The following ITGA9 variants were observed in gnomAD, a reference collection of about 807,000 sequenced individuals.
The protein encoded by ITGA9 is integrin alpha-9.
A neutral mutation model predicts 127.8 loss-of-function variants in ITGA9; 56 were observed. The ratio of observed to expected loss-of-function variants is 0.44; its 90% CI spans 0.35 to 0.55. The LOEUF is 0.55. Among genes scored for constraint, ITGA9 ranks in the 20% least tolerant of loss-of-function variants. ITGA9 has a pLI of 0.00. For synonymous variants in ITGA9, 508 were observed against 514.5 expected, an observed-to-expected ratio of 0.99 and a Z score of 0.17; for missense variants, 1,196 against 1,347.1, an observed-to-expected ratio of 0.89 and a Z score of 1.76.
intron 13 of ITGA9, among the ~76,000 whole-genome samples, chr3:37,527,330 G>A (rs1370615001): frequency 6.6e-6 from 1 of 152,188 alleles, no homozygotes; most frequent in Non-Finnish European, 1.5e-5. Context: ...ATAAGTCGGG[G>A]ACTATCTGCA....
chr3:37,738,353 C>A (rs1294346124), intron 20 of ITGA9, among the ~76,000 whole-genome samples: 1 of 152,156 alleles, frequency 6.6e-6, no homozygotes, highest in Non-Finnish European at 1.5e-5. Context: ...GGGCAAGAAG[C>A]CCTGTTACAC....
At chr3:37,624,200 C>CTTTTTTTTTTTTT (rs58307041) in intron 15 of ITGA9, among the ~76,000 whole-genome samples, 2 of 85,764 alleles carry the variant, frequency 2.3e-5, no homozygotes, top group East Asian at 3.4e-4. Context: ...AAAAAAAACC[C>CTTTTTTTTTTTTT]TTTTTTTTTT....
chr3:37,704,187 A>G lies in ITGA9; in HGVS notation c.2067+20172A>G, dbSNP rs112938469. 6.0e-3 allele frequency among the ~76,000 whole-genome samples: 907 copies of G among 152,198 alleles called. 9 individuals are homozygous for G. The highest frequency in any genetic ancestry group is 0.021 in the African/African-American group (854 of 41,508). The stretch of plus-strand genomic sequence containing the variant: ...GGCCAGTTTTTTGTGGAGGGGGGCA[A>G]TGGGCAAGGAAGCATTGATGAATTT... On this transcript the variant is annotated intron_variant, in intron 18 of 27. Transcript: ENST00000264741.
At position 37,518,731 on chromosome 3, in the gene ITGA9, A is replaced by T. The variant is rs118028740; in HGVS notation, c.1142-529A>T. On this transcript the variant is annotated intron_variant, in intron 10 of 27. Coordinates refer to ENST00000264741, the MANE Select transcript of ITGA9 (RefSeq NM_002207.3). ...AGCATAAGGTAGAAACTTTTTTGGA[A>T]CTAAATTCTTCTCAGTCAGCTTCTA... 1.4e-3 allele frequency among the ~76,000 whole-genome samples: 195 copies of T among 141,502 alleles called. 4 individuals carry two copies. In the East Asian group the frequency reaches 0.033, roughly 24 times the overall value. The allele number at this position is 141,502 out of a possible 152,430, so 92.8% of individuals were successfully genotyped here.
intron 23 of ITGA9, among the ~76,000 whole-genome samples, chr3:37,763,840 C>G (rs1363475995): frequency 6.6e-6 from 1 of 152,090 alleles, no homozygotes; most frequent in African/African-American, 2.4e-5. Flanking sequence ...TCGCCTTCAC[C>G]CTCAATTTTT....
chr3:37,798,290 T>A (rs1280132556), intron 26 of ITGA9, among the ~76,000 whole-genome samples: 1 of 152,218 alleles, frequency 6.6e-6, no homozygotes, highest in African/African-American at 2.4e-5. Flanking sequence ...ATCTTCTGAT[T>A]TTTTAACTTA....
rs776785640 is a variant in ITGA9, at chr3:37,629,346, T to G, written c.1839+10T>G. 6.2e-7 allele frequency: 1 copy of G among 1,613,818 alleles called. No homozygotes were observed. Among genetic ancestry groups the G allele is most frequent in the South Asian group, 1.1e-5 (1 of 90,980 alleles). ...TGCCCAAAAGAATCAGGTCAGAACC[T>G]TAAAGCTCATACTCAGCACCCAAGG... On this transcript the variant is annotated intron_variant, in intron 16 of 27. Transcript: ENST00000264741. The surrounding 1 kb of genome is among the most constrained non-coding windows in gnomAD (Gnocchi z 4.5).
intron 21 of ITGA9, among the ~76,000 whole-genome samples, chr3:37,743,581 A>G (rs1190739189): frequency 6.6e-6 from 1 of 152,264 alleles, no homozygotes; most frequent in Non-Finnish European, 1.5e-5. Flanking sequence ...GCTTATGATC[A>G]TCTTCTTCAA....
intron 7 of ITGA9, among the ~76,000 whole-genome samples, chr3:37,506,612 C>G (rs73826598): frequency 6.6e-6 from 1 of 152,196 alleles, no homozygotes; most frequent in African/African-American, 2.4e-5. Flanking sequence ...TTTCCCTAAA[C>G]TATAGTATCT....
intron 10 of ITGA9, among the ~76,000 whole-genome samples, chr3:37,517,982 C>A (rs1158358038): frequency 3.3e-5 from 5 of 152,216 alleles, no homozygotes; most frequent in African/African-American, 9.6e-5. Context: ...GCCTTTGATG[C>A]TCCATCATGC....
chr3:37,530,212 A>G (rs558575476), intron 13 of ITGA9, among the ~76,000 whole-genome samples: 3 of 152,348 alleles, frequency 2.0e-5, no homozygotes, highest in Non-Finnish European at 4.4e-5. Flanking sequence ...GATTCAGCTG[A>G]GCAGCAGTGA....
At chr3:37,724,159 C>T (rs1701220701) in intron 18 of ITGA9, among the ~76,000 whole-genome samples, 2 of 152,126 alleles carry the variant, frequency 1.3e-5, no homozygotes, top group Admixed American at 6.5e-5. Context: ...CTGCAACTTC[C>T]CCTGGTGCTG....
intron 17 of ITGA9, among the ~76,000 whole-genome samples, chr3:37,676,234 A>G (rs1284295956): frequency 6.6e-6 from 1 of 152,272 alleles, no homozygotes; most frequent in Non-Finnish European, 1.5e-5. Flanking sequence ...CATGTAATCA[A>G]TATTAAAACA....
At chr3:37,733,780 AC>A (rs1696326212) in intron 19 of ITGA9, among the ~76,000 whole-genome samples, 1 of 152,116 alleles carries the variant, frequency 6.6e-6, no homozygotes, top group Admixed American at 6.5e-5. Flanking sequence ...TGTTTAAACC[AC>A]CCAAGCTAGG....
At chr3:37,477,454 T>A (rs977501224) in intron 3 of ITGA9, among the ~76,000 whole-genome samples, 26 of 152,336 alleles carry the variant, frequency 1.7e-4, no homozygotes, top group African/African-American at 6.3e-4. Flanking sequence ...AGGACCAGAT[T>A]GTCAGGCTGG....
At chr3:37,471,357 A>G (rs1478615110) in intron 2 of ITGA9, among the ~76,000 whole-genome samples, 1 of 152,196 alleles carries the variant, frequency 6.6e-6, no homozygotes, top group Admixed American at 6.5e-5. Context: ...AGTCCCATAA[A>G]TTAGTGGGCA....
intron 1 of ITGA9, among the ~76,000 whole-genome samples, chr3:37,453,290 G>C (rs918996385): frequency 6.6e-6 from 1 of 152,228 alleles, no homozygotes; most frequent in Non-Finnish European, 1.5e-5. Context: ...TCGACCCGGA[G>C]ACCTTCACCA....
intron 23 of ITGA9, among the ~76,000 whole-genome samples, chr3:37,760,589 T>G (rs920522659): frequency 1.3e-5 from 2 of 152,152 alleles, no homozygotes; most frequent in Non-Finnish European, 2.9e-5. Flanking sequence ...GTATAAACTC[T>G]TCAATAAATG....
At chr3:37,589,769 G>A (rs1392527740) in intron 15 of ITGA9, among the ~76,000 whole-genome samples, 2 of 152,168 alleles carry the variant, frequency 1.3e-5, no homozygotes, top group African/African-American at 4.8e-5. Context: ...GCAGAATGAG[G>A]GTGTAGGTAT....
Sources: gnomAD v4.1 joint callset for allele counts (sites outside exome capture counted in the v4.1 genomes callset) on GRCh38, gnomAD v4.1.1 for gene constraint, Gnocchi (gnomAD v3.1) non-coding constraint, MANE v1.5 for transcripts, NCBI Gene and HGNC (gene_info 2026-07-23, HGNC 2026-07-21) for gene names.